Variants in RAB11FIP3 observed in about 807,000 individuals in gnomAD.
RAB11FIP3 encodes the protein RAB11 family interacting protein 3, also known as rab11 family-interacting protein 3.
In RAB11FIP3, 17 loss-of-function variants were observed where a neutral mutation model predicts 77.8. That is an observed-to-expected ratio of 0.22 (90% CI 0.15 to 0.33). The LOEUF (loss-of-function observed/expected upper bound fraction) is 0.33, where lower values mean the gene tolerates loss of function less well. Among genes scored for constraint, RAB11FIP3 ranks in the 10% least tolerant of loss-of-function variants. The probability of loss-of-function intolerance (pLI) is 1.00; values close to 1 mark genes in which losing one functional copy is unlikely to be tolerated. For missense variants in RAB11FIP3, 1,005 were observed against 1,011.2 expected, an observed-to-expected ratio of 0.99 and a Z score of 0.08; for synonymous variants, 437 against 448.2, an observed-to-expected ratio of 0.98 and a Z score of 0.31.
Position 506,997 on chromosome 16 carries a change from C to T in RAB11FIP3, c.1499+1370C>T, listed in dbSNP as rs992630059. 2.0e-5 allele frequency among the ~76,000 whole-genome samples: 3 copies of T among 152,144 alleles called. No homozygotes were observed. Among genetic ancestry groups the T allele is most frequent in the Non-Finnish European group, 4.4e-5 (3 of 68,022 alleles). ...TTTTGTTTTTTGAGAGACAGGGCCT[C>T]GCTCTGTTGCTCAGGCTGAGTGCTG... On this transcript the variant is annotated intron_variant, in intron 8 of 13. Transcript: ENST00000262305. This position sits in a 1 kb window ranked among gnomAD's most constrained non-coding sequence, Gnocchi z 4.5.
At chr16:428,518 C>T (rs1399236000) in intron 1 of RAB11FIP3, among the ~76,000 whole-genome samples, 1 of 152,120 alleles carries the variant, frequency 6.6e-6, no homozygotes. Flanking sequence ...TAGAGAACTT[C>T]TGTGAGGCTC....
chr16:438,480 A>C (rs1470037691), intron 1 of RAB11FIP3, among the ~76,000 whole-genome samples: 2 of 140,346 alleles, frequency 1.4e-5, no homozygotes, highest in Non-Finnish European at 3.0e-5. Context: ...ATCTCAGCTC[A>C]CTGCAACCTC....
chr16:465,679 G>A (rs777140132), intron 2 of RAB11FIP3, among the ~76,000 whole-genome samples: 5 of 151,830 alleles, frequency 3.3e-5, no homozygotes, highest in Admixed American at 3.3e-4. Flanking sequence ...GTGTGATCTC[G>A]GCTCACTGCA....
chr16:513,714 GC>G (rs1442958250), intron 9 of RAB11FIP3, among the ~76,000 whole-genome samples: 1 of 152,174 alleles, frequency 6.6e-6, no homozygotes, highest in Non-Finnish European at 1.5e-5. Context: ...TAAGATACTT[GC>G]CTTATCTAAG....
intron 3 of RAB11FIP3, among the ~76,000 whole-genome samples, chr16:473,103 C>T (rs747337119): frequency 7.2e-5 from 11 of 152,288 alleles, no homozygotes; most frequent in African/African-American, 1.7e-4. Flanking sequence ...CTTCACGCCC[C>T]GTGGTCTGTG....
chr16:518,096 T>G (rs1330502319), intron 9 of RAB11FIP3, among the ~76,000 whole-genome samples: 1 of 152,100 alleles, frequency 6.6e-6, no homozygotes, highest in Non-Finnish European at 1.5e-5. Context: ...AGTAAATAAA[T>G]AGATACAGGA....
At chr16:494,583 C>T (rs2030932297) in intron 5 of RAB11FIP3, among the ~76,000 whole-genome samples, 1 of 151,950 alleles carries the variant, frequency 6.6e-6, no homozygotes, top group African/African-American at 2.4e-5. Flanking sequence ...GATCATGCCA[C>T]TGCACTCCAG....
intron 5 of RAB11FIP3, among the ~76,000 whole-genome samples, chr16:496,209 A>C (rs929830720): frequency 6.6e-6 from 1 of 152,212 alleles, no homozygotes; most frequent in African/African-American, 2.4e-5. Flanking sequence ...CTAATAGTTC[A>C]GCAGCTAGAC....
chr16:516,962 G>A (rs1009465958), intron 9 of RAB11FIP3, among the ~76,000 whole-genome samples: 8 of 152,368 alleles, frequency 5.3e-5, no homozygotes, highest in Non-Finnish European at 8.8e-5. Context: ...TGGACCCAGT[G>A]AGCGGCTTCC....
At chr16:432,108 C>T (rs1191818641) in intron 1 of RAB11FIP3, among the ~76,000 whole-genome samples, 3 of 152,002 alleles carry the variant, frequency 2.0e-5, no homozygotes, top group East Asian at 3.9e-4. Context: ...ACTGGCCTGG[C>T]GCGGTAACTC....
chr16:480,413 G>A lies in RAB11FIP3; in HGVS notation c.904-2112G>A, dbSNP rs369820394. On this transcript the variant is annotated intron_variant, in intron 3 of 13. Coordinates refer to ENST00000262305, the MANE Select transcript of RAB11FIP3 (RefSeq NM_014700.4). The stretch of plus-strand genomic sequence containing the variant: ...GATATCAGCTCACTGCAAAATCTGC[G>A]TCCCAGGTTCAAGCCATTCTCCTGC... Among the ~76,000 whole-genome samples, 25 of 151,518 alleles carry A rather than the reference G, an allele frequency of 1.6e-4. No homozygotes were observed. The East Asian group carries it at 2.3e-3, about 14-fold the overall frequency.
chr16:511,437 A>G (rs1360403225), intron 9 of RAB11FIP3, among the ~76,000 whole-genome samples: 147 of 108,064 alleles, frequency 1.4e-3, no homozygotes, highest in African/African-American at 5.0e-3. Context: ...AGGTAGGAGA[A>G]GTTCCCCGAC....
At chr16:454,386 G>C (rs932221554) in intron 1 of RAB11FIP3, among the ~76,000 whole-genome samples, 1 of 152,118 alleles carries the variant, frequency 6.6e-6, no homozygotes, top group Non-Finnish European at 1.5e-5. Context: ...AGACCAGCCT[G>C]AGCAACATAG....
chr16:434,787 G>C (rs969459930), intron 1 of RAB11FIP3, among the ~76,000 whole-genome samples: 3 of 152,108 alleles, frequency 2.0e-5, no homozygotes, highest in African/African-American at 4.8e-5. Flanking sequence ...AGGATGGCCG[G>C]ACGCAGTGGC....
At chr16:500,750 C>T (rs1336714358) in intron 6 of RAB11FIP3, among the ~76,000 whole-genome samples, 1 of 150,864 alleles carries the variant, frequency 6.6e-6, no homozygotes, top group Non-Finnish European at 1.5e-5. Flanking sequence ...GCCGCATGAC[C>T]CATGCTGAGG....
At chr16:452,224 A>G (rs1468280263) in intron 1 of RAB11FIP3, 1 of 150,240 alleles carries the variant, frequency 6.7e-6, no homozygotes, top group East Asian at 2.0e-4. Context: ...AGTCCCAGGT[A>G]CTTGGGAGGC....
intron 10 of RAB11FIP3, 105 bp from the exon 11 acceptor site, chr16:519,649 G>A (rs976098983): frequency 7.5e-6 from 11 of 1,468,222 alleles, no homozygotes; most frequent in African/African-American, 5.6e-5. Flanking sequence ...GCGCCACCGC[G>A]TTGCTGTTGG....
At chr16:475,354 A>G (rs2055883417) in intron 3 of RAB11FIP3, among the ~76,000 whole-genome samples, 1 of 152,244 alleles carries the variant, frequency 6.6e-6, no homozygotes, top group Non-Finnish European at 1.5e-5. Flanking sequence ...GGTAATTTGT[A>G]AAAATGTTAA....
chr16:462,595 C>CGATCCCTTCCCCAGCAT (rs1346113337), intron 2 of RAB11FIP3, among the ~76,000 whole-genome samples: 258 of 149,564 alleles, frequency 1.7e-3, no homozygotes, highest in Non-Finnish European at 2.7e-3. Context: ...TTCCTCAGCA[C>CGATCCCTTCCCCAGCAT]GATCCCTTCC....
Sources: allele counts gnomAD v4.1 joint callset (sites outside exome capture counted in the v4.1 genomes callset), GRCh38; gene constraint gnomAD v4.1.1; non-coding constraint Gnocchi (gnomAD v3.1); transcripts MANE v1.5; gene names NCBI Gene and HGNC (gene_info 2026-07-23, HGNC 2026-07-21).